Variants in SEC16B observed in about 807,000 individuals in gnomAD.
The protein encoded by SEC16B is SEC16 homolog B, endoplasmic reticulum export factor.
In SEC16B, 115 loss-of-function variants were observed where a neutral mutation model predicts 141.8. The observed-to-expected ratio is 0.81, with a 90% confidence interval of 0.70 to 0.95. The LOEUF (loss-of-function observed/expected upper bound fraction) is 0.95, where lower values mean the gene tolerates loss of function less well. Among genes scored for constraint, SEC16B ranks in the 40% least tolerant of loss-of-function variants. The pLI is 0.00. For missense variants in SEC16B, 1,291 were observed against 1,312.3 expected, an observed-to-expected ratio of 0.98 and a Z score of 0.25; for synonymous variants, 493 against 492.5, an observed-to-expected ratio of 1.00 and a Z score of -0.01.
intron 15 of SEC16B, among the ~76,000 whole-genome samples, chr1:177,942,604 G>A (rs187045811): frequency 2.6e-4 from 39 of 152,178 alleles, no homozygotes; most frequent in Non-Finnish European, 5.6e-4. Context: ...GGAGGCGGAG[G>A]TTCCAGTGAG....
intron 19 of SEC16B, among the ~76,000 whole-genome samples, chr1:177,936,672 T>C (rs1650867988): frequency 6.6e-6 from 1 of 152,140 alleles, no homozygotes; most frequent in African/African-American, 2.4e-5. Context: ...TGAGCCTCCA[T>C]CTTGGACAGG....
upstream of SEC16B, among the ~76,000 whole-genome samples, chr1:177,972,167 A>G (rs1653987678): frequency 6.6e-6 from 1 of 151,804 alleles, no homozygotes; most frequent in African/African-American, 2.4e-5. Context: ...TTATTATGAA[A>G]CTCTTCAAAC....
At chr1:177,957,214 A>C (rs557517600) in intron 10 of SEC16B, among the ~76,000 whole-genome samples, 4 of 152,184 alleles carry the variant, frequency 2.6e-5, no homozygotes, top group Non-Finnish European at 4.4e-5. Flanking sequence ...ATGTAACAAG[A>C]TGTGTAAATG....
At position 177,933,481 on chromosome 1, in the gene SEC16B, C is replaced by T. The variant is rs1650606485; in HGVS notation, c.2724+3G>A. The T allele has an allele frequency of 1.2e-6, 2 of 1,612,248 alleles. No homozygotes were observed. The highest frequency in any genetic ancestry group is 1.7e-6 in the Non-Finnish European group (2 of 1,179,094). ...CAGGGGAGAGAAGAACAAGTCCCTC[C>T]ACCTTTGTATGCTCCTTCCCATCTC... On this transcript the variant is annotated splice_donor_region_variant and intron_variant, in intron 21 of 25. Coordinates refer to ENST00000308284, the MANE Select transcript of SEC16B (RefSeq NM_033127.4).
intron 24 of SEC16B, 29 bp downstream of exon 24, chr1:177,932,461 C>T (rs962951700): frequency 4.7e-6 from 7 of 1,485,370 alleles, no homozygotes; most frequent in African/African-American, 4.2e-5. Context: ...TGCTGGGGTC[C>T]GAGGCTCCAG....
At chr1:177,935,779 G>T (rs1472554435) in intron 20 of SEC16B, among the ~76,000 whole-genome samples, 1 of 152,152 alleles carries the variant, frequency 6.6e-6, no homozygotes, top group Admixed American at 6.5e-5. Context: ...AACGCCTCAG[G>T]TTTGGGACCA....
chr1:177,939,858 A>G lies in SEC16B; in HGVS notation c.2128-81T>C, dbSNP rs970518415. The stretch of plus-strand genomic sequence containing the variant: ...GAGAAACAAAGTGATTCAAAACTTA[A>G]GCCAAAAAGAAACTTCCAGTGGGAA... On this transcript the variant is annotated intron_variant, in intron 17 of 25. Coordinates refer to ENST00000308284, the MANE Select transcript of SEC16B (RefSeq NM_033127.4). The G allele has an allele frequency of 5.1e-6, 6 of 1,180,202 alleles. No homozygotes were observed. The African/African-American group carries it at 7.8e-5, about 15-fold the overall frequency. The allele number at this position is 1,180,202 out of a possible 1,614,324, so 73.1% of individuals were successfully genotyped here. A position where few individuals can be genotyped will look rare whatever the true frequency, so the allele number is the denominator to read the frequency against.
intron 18 of SEC16B, among the ~76,000 whole-genome samples, chr1:177,939,031 C>G (rs1413951527): frequency 5.3e-5 from 8 of 152,212 alleles, no homozygotes; most frequent in South Asian, 2.1e-4. Flanking sequence ...CTCCACCCCC[C>G]ACCTTTACAG....
intron 18 of SEC16B, among the ~76,000 whole-genome samples, chr1:177,937,880 T>C (rs541942715): frequency 6.6e-6 from 1 of 152,104 alleles, no homozygotes; most frequent in Admixed American, 6.5e-5. Flanking sequence ...CCCCCTCTCT[T>C]TTGCAGTTTA....
At chr1:177,978,357 T>C (rs1557998736) in intron 1 of SEC16B, among the ~76,000 whole-genome samples, 1 of 152,206 alleles carries the variant, frequency 6.6e-6, no homozygotes, top group Non-Finnish European at 1.5e-5. Context: ...GCACACTCCC[T>C]GCACCTTGGT....
At chr1:177,931,600 C>G (rs1650418551) in intron 24 of SEC16B, among the ~76,000 whole-genome samples, 1 of 152,082 alleles carries the variant, frequency 6.6e-6, no homozygotes, top group Non-Finnish European at 1.5e-5. Context: ...CAAAGAGAAC[C>G]ATATCAGAAG....
At chr1:177,968,429 C>T (rs992971224) in intron 1 of SEC16B, among the ~76,000 whole-genome samples, 3 of 152,148 alleles carry the variant, frequency 2.0e-5, no homozygotes, top group Admixed American at 6.5e-5. Context: ...CAGAGTGGGT[C>T]TTGCAGAGAG....
At chr1:177,969,837 C>T (rs3813653) in intron 1 of SEC16B, 47 bp downstream of exon 1, 17,549 of 152,192 alleles carry the variant, frequency 0.12, 1,715 homozygotes, top group African/African-American at 0.26. Context: ...CGGCACAGCA[C>T]GTCCAGCTCA....
chr1:177,959,181 C>T (rs1259955800), intron 8 of SEC16B: 2 of 615,310 alleles, frequency 3.3e-6, no homozygotes, highest in African/African-American at 1.8e-5. Context: ...TTCTCTCATG[C>T]ACCCCCTTTA....
chr1:177,978,306 T>C (rs1343856327), intron 1 of SEC16B, among the ~76,000 whole-genome samples: 2 of 152,198 alleles, frequency 1.3e-5, no homozygotes, highest in Admixed American at 6.5e-5. Flanking sequence ...ACAATAAGTA[T>C]TTGATAAATA....
upstream of SEC16B, among the ~76,000 whole-genome samples, chr1:177,970,585 C>G (rs1254986820): frequency 6.6e-6 from 1 of 152,106 alleles, no homozygotes; most frequent in Non-Finnish European, 1.5e-5. Context: ...GTGGGTTTTT[C>G]TTATGTATAT....
At chr1:177,944,433 A>C in intron 15 of SEC16B, 128 bp downstream of exon 15, 2 of 710,462 alleles carry the variant, frequency 2.8e-6, no homozygotes, top group Non-Finnish European at 4.9e-6. Flanking sequence ...TCCCACGCTT[A>C]AGCTAATGAG....
chr1:177,966,057 A>G (rs1020957616), intron 2 of SEC16B, 52 bp from the exon 3 acceptor site: 1 of 1,149,340 alleles, frequency 8.7e-7, no homozygotes, highest in East Asian at 2.6e-5. Flanking sequence ...TAGTAAAGAG[A>G]GAAACCAATG....
At chr1:177,953,643 T>C (rs946240445) in intron 11 of SEC16B, among the ~76,000 whole-genome samples, 1 of 152,154 alleles carries the variant, frequency 6.6e-6, no homozygotes, top group Admixed American at 6.5e-5. Flanking sequence ...CTCCTGGCTA[T>C]GGATCCTTGC....
Sources: allele counts gnomAD v4.1 joint callset (sites outside exome capture counted in the v4.1 genomes callset), GRCh38; gene constraint gnomAD v4.1.1; transcripts MANE v1.5; gene names NCBI Gene and HGNC (gene_info 2026-07-23, HGNC 2026-07-21).